MIPEP: variants seen among roughly 807,000 people sequenced by gnomAD.
MIPEP encodes the protein mitochondrial intermediate peptidase.
Under a neutral mutation model 90.3 loss-of-function variants are expected in MIPEP, and 79 were observed. The observed-to-expected ratio is 0.87, with a 90% confidence interval of 0.73 to 1.05. The LOEUF is 1.05. MIPEP is among the 50% of genes least tolerant of loss of function. MIPEP has a pLI of 0.00. For synonymous variants in MIPEP, 334 were observed against 315.8 expected (o/e 1.06, Z -0.61); for missense variants, 940 against 905.6 (o/e 1.04, Z -0.49).
At chr13:23,763,344 G>A (rs561244088) in intron 16 of MIPEP, among the ~76,000 whole-genome samples, 3 of 152,336 alleles carry the variant, frequency 2.0e-5, no homozygotes, top group African/African-American at 4.8e-5. Flanking sequence ...ACGAGCACTT[G>A]TACTACTGAT....
In MIPEP at chr13:23,858,722, A is replaced by G. The variant is rs1870153761; in HGVS notation, c.1106+138T>C. 8 of 705,806 alleles carry G rather than the reference A, an allele frequency of 1.1e-5. No individual in the cohort carries two copies. In the South Asian group the frequency reaches 1.3e-4, roughly 12 times the overall value. The allele number at this position is 705,806 out of a possible 1,614,324, so 43.7% of individuals were successfully genotyped here. ...AAGCAGCTGAAGAATACATGAGTGG[A>G]GCAGACCACGCCAGCAGAAAGAATG... On this transcript the variant is annotated intron_variant, in intron 10 of 18. Coordinates refer to ENST00000382172, the MANE Select transcript of MIPEP (RefSeq NM_005932.4).
At chr13:23,758,141 G>A (rs989853814) in intron 17 of MIPEP, among the ~76,000 whole-genome samples, 9 of 152,158 alleles carry the variant, frequency 5.9e-5, no homozygotes, top group African/African-American at 1.9e-4. Flanking sequence ...TCAGGGGCAG[G>A]GGTGGCTGAG....
Position 23,826,188 on chromosome 13 carries a change from T to C in MIPEP, c.1653+10052A>G, listed in dbSNP as rs146735191. On this transcript the variant is annotated intron_variant, in intron 14 of 18. Coordinates refer to ENST00000382172, the MANE Select transcript of MIPEP (RefSeq NM_005932.4). ...CATCTAATAAAATATTCTCAAAATATAGAGAGCAAAAATGGATAGAACTAA... is the reference window on the plus strand; with the variant it reads ...CATCTAATAAAATATTCTCAAAATACAGAGAGCAAAAATGGATAGAACTAA... Among the ~76,000 whole-genome samples the C allele has an allele frequency of 7.9e-5, 12 of 152,216 alleles. 1 individual carries two copies. Among genetic ancestry groups the C allele is most frequent in the African/African-American group, 2.9e-4 (12 of 41,536 alleles).
chr13:23,806,716 ATATC>A (rs10675933), intron 15 of MIPEP, among the ~76,000 whole-genome samples: 19,575 of 147,080 alleles, frequency 0.13, 1,381 homozygotes, highest in African/African-American at 0.18. Context: ...AAAAAAATCT[ATATC>A]TATCTATCTA....
At chr13:23,745,693 C>T (rs569743805) in intron 18 of MIPEP, among the ~76,000 whole-genome samples, 206 of 152,094 alleles carry the variant, frequency 1.4e-3, no homozygotes, top group African/African-American at 4.6e-3. Flanking sequence ...TCTGGGAGGC[C>T]GAGGCGGGCG....
At chr13:23,864,990 A>T (rs1450207286) in intron 7 of MIPEP, among the ~76,000 whole-genome samples, 1 of 149,666 alleles carries the variant, frequency 6.7e-6, no homozygotes, top group Non-Finnish European at 1.5e-5. Flanking sequence ...ACTGTAGAAT[A>T]ATCTATTCAG....
intron 16 of MIPEP, among the ~76,000 whole-genome samples, chr13:23,779,473 G>GA (rs963501529): frequency 5.9e-5 from 9 of 152,220 alleles, no homozygotes; most frequent in African/African-American, 2.2e-4. Flanking sequence ...GTGTATGGGG[G>GA]GGGCAGTTCC....
At chr13:23,779,005 C>A (rs575223161) in intron 16 of MIPEP, among the ~76,000 whole-genome samples, 1 of 152,322 alleles carries the variant, frequency 6.6e-6, no homozygotes, top group East Asian at 1.9e-4. Context: ...TGTTTCCACA[C>A]ATAACTTTCT....
At chr13:23,777,606 A>G (rs1593148114) in intron 16 of MIPEP, among the ~76,000 whole-genome samples, 2 of 152,318 alleles carry the variant, frequency 1.3e-5, no homozygotes, top group East Asian at 3.9e-4. Flanking sequence ...TTACGAACAT[A>G]AACTATTTTG....
At chr13:23,863,706 A>G (rs1385426991) in intron 8 of MIPEP, among the ~76,000 whole-genome samples, 1 of 152,210 alleles carries the variant, frequency 6.6e-6, no homozygotes, top group East Asian at 1.9e-4. Flanking sequence ...AGAACACTTC[A>G]GCTTGAAATT....
At position 23,814,202 on chromosome 13, in the gene MIPEP, C is replaced by T. The variant is rs187457589; in HGVS notation, c.1654-4278G>A. Among the ~76,000 whole-genome samples, 31 of 152,328 alleles carry T rather than the reference C, an allele frequency of 2.0e-4. 1 individual carries two copies. In the East Asian group the frequency reaches 5.2e-3, roughly 26 times the overall value. On this transcript the variant is annotated intron_variant, in intron 14 of 18. Transcript: ENST00000382172. ...TGATCTGTAAATCTCCTATCTCACA[C>T]TGACATATAATTTCTCAATTCTTCT...
chr13:23,731,157 G>T (rs76392084), intron 18 of MIPEP, among the ~76,000 whole-genome samples: 36 of 152,294 alleles, frequency 2.4e-4, no homozygotes, highest in African/African-American at 6.5e-4. Flanking sequence ...TAACCTTATT[G>T]CTTTAACCTA....
intron 1 of MIPEP, among the ~76,000 whole-genome samples, chr13:23,886,716 A>G (rs1486293840): frequency 1.3e-5 from 2 of 152,042 alleles, no homozygotes; most frequent in Admixed American, 6.6e-5. Flanking sequence ...TTTTTCTTCA[A>G]TTTTTAATTA....
At chr13:23,839,302 T>C (rs1306847514) in intron 12 of MIPEP, among the ~76,000 whole-genome samples, 1 of 152,192 alleles carries the variant, frequency 6.6e-6, no homozygotes, top group Non-Finnish European at 1.5e-5. Flanking sequence ...AGTTTCCTCA[T>C]AATGTGAGTA....
chr13:23,744,047 C>T (rs1952358800), intron 18 of MIPEP, among the ~76,000 whole-genome samples: 1 of 152,244 alleles, frequency 6.6e-6, no homozygotes, highest in Non-Finnish European at 1.5e-5. Context: ...CCGTAACATG[C>T]TTTCCTCATT....
intron 18 of MIPEP, among the ~76,000 whole-genome samples, chr13:23,734,908 A>G (rs1003868801): frequency 1.3e-5 from 2 of 152,154 alleles, no homozygotes; most frequent in Non-Finnish European, 2.9e-5. Context: ...CGTCTGGAAA[A>G]GTTTCTTGTA....
chr13:23,738,435 T>C (rs1486341526), intron 18 of MIPEP, among the ~76,000 whole-genome samples: 1 of 150,576 alleles, frequency 6.6e-6, no homozygotes, highest in Non-Finnish European at 1.5e-5. Context: ...ATATTATATA[T>C]AAAAATTACT....
chr13:23,812,691 T>G (rs1487593872), intron 14 of MIPEP, among the ~76,000 whole-genome samples: 1 of 152,008 alleles, frequency 6.6e-6, no homozygotes, highest in Non-Finnish European at 1.5e-5. Context: ...AAATACGTAT[T>G]TAGAAAAAAA....
intron 2 of MIPEP, among the ~76,000 whole-genome samples, chr13:23,884,110 G>A (rs975100042): frequency 1.3e-5 from 2 of 152,078 alleles, no homozygotes; most frequent in African/African-American, 4.8e-5. Flanking sequence ...AGTTATGCTG[G>A]GTGAAAGAAG....
Sources: allele counts gnomAD v4.1 joint callset (sites outside exome capture counted in the v4.1 genomes callset), GRCh38; gene constraint gnomAD v4.1.1; transcripts MANE v1.5; gene names NCBI Gene and HGNC (gene_info 2026-07-23, HGNC 2026-07-21).